The following ZNF98 variants were observed in gnomAD, a reference collection of about 807,000 sequenced individuals.
The protein encoded by ZNF98 is zinc finger protein 739.
ZNF98 carries 8 observed loss-of-function variants against 12.8 expected under a neutral mutation model. The observed-to-expected ratio is 0.63, with a 90% CI of 0.37 to 1.13. The LOEUF (loss-of-function observed/expected upper bound fraction) is 1.13, where lower values mean the gene tolerates loss of function less well. ZNF98 is among the 50% of genes most tolerant of loss of function. The probability of loss-of-function intolerance (pLI) is 0.01; values close to 1 mark genes in which losing one functional copy is unlikely to be tolerated. For missense variants in ZNF98, 379 were observed against 666.1 expected, an observed-to-expected ratio of 0.57 and a Z score of 4.74; for synonymous variants, 112 against 223.5, an observed-to-expected ratio of 0.50 and a Z score of 4.45.
chr19:22,417,765 A>C (rs1969661523), intron 1 of ZNF98, among the ~76,000 whole-genome samples: 1 of 152,166 alleles, frequency 6.6e-6, no homozygotes, highest in Non-Finnish European at 1.5e-5. Context: ...AAAATTTCTC[A>C]GCATGGTGCC....
chr19:22,407,719 TA>T (rs1453052206), intron 1 of ZNF98, among the ~76,000 whole-genome samples: 7 of 146,448 alleles, frequency 4.8e-5, no homozygotes, highest in African/African-American at 1.8e-4. Context: ...CTCAAAAAAA[TA>T]AAAATAAAAG....
rs562237600 is a variant in ZNF98 at position 22,401,915 on chromosome 19, A to G, written c.253+874T>C. On this transcript the variant is annotated intron_variant, in intron 3 of 3. Coordinates refer to ENST00000357774, the MANE Select transcript of ZNF98 (RefSeq NM_001098626.2). ...TTCTCGGTCAGGCACGGTGGGTCAC[A>G]CCTGTAATCCTAGCACTTTGGGAGG... is the stretch of plus-strand genomic sequence containing the variant. Among the ~76,000 whole-genome samples, 511 of 151,240 alleles carry G rather than the reference A, an allele frequency of 3.4e-3. 5 individuals carry two copies. The highest frequency in any genetic ancestry group is 0.012 in the African/African-American group (488 of 41,264).
chr19:22,412,249 A>G (rs1431028852), intron 1 of ZNF98, among the ~76,000 whole-genome samples: 1 of 152,224 alleles, frequency 6.6e-6, no homozygotes, highest in Non-Finnish European at 1.5e-5. Flanking sequence ...TTGATAAAAA[A>G]GTAATTCAAT....
intron 1 of ZNF98, among the ~76,000 whole-genome samples, chr19:22,405,571 TG>T (rs1278957259): frequency 6.6e-6 from 1 of 152,170 alleles, no homozygotes; most frequent in African/African-American, 2.4e-5. Context: ...GCTTTTTCCA[TG>T]GAACTGTGCA....
At chr19:22,396,091 A>AC (rs1477448132) in intron 3 of ZNF98, among the ~76,000 whole-genome samples, 8 of 152,246 alleles carry the variant, frequency 5.3e-5, no homozygotes, top group Admixed American at 3.9e-4. Flanking sequence ...ATTTTCCAGG[A>AC]AAGATATGCA....
chr19:22,407,526 A>G (rs1226367917), intron 1 of ZNF98, among the ~76,000 whole-genome samples: 3 of 150,828 alleles, frequency 2.0e-5, no homozygotes, highest in South Asian at 4.2e-4. Context: ...AGCCTGGCCA[A>G]CATGGTGAAA....
chr19:22,415,223 C>CAGA (rs1185263183), intron 1 of ZNF98, among the ~76,000 whole-genome samples: 2 of 152,062 alleles, frequency 1.3e-5, no homozygotes, highest in Admixed American at 1.3e-4. Context: ...CAAAAGGTAA[C>CAGA]AGATGCTGGC....
In ZNF98 at chr19:22,392,721, GTC is replaced by G; in HGVS notation, c.512_513del (p.Arg171ThrfsTer2). 1 of 1,605,354 alleles carries G rather than the reference GTC, an allele frequency of 6.2e-7. No individual in the cohort carries two copies. The highest frequency in any genetic ancestry group is 1.1e-5 in the South Asian group (1 of 90,218). On this transcript the variant is annotated frameshift_variant, in exon 4 of 4. Coordinates refer to ENST00000357774, the MANE Select transcript of ZNF98 (RefSeq NM_001098626.2). LOFTEE classifies it low-confidence loss of function (END_TRUNC). ...TTCTTTCCAGTATGTCCTATCTTATGTCTGTTTGAATTTGAAAATTTATGAAA... is the reference window on the plus strand; with the variant it reads ...TTCTTTCCAGTATGTCCTATCTTATGTGTTTGAATTTGAAAATTTATGAAA... ...KVFHKFSNSNRHKIGHTGKKS... is the reference protein window; with the variant it reads ...KVFHKFSNSNXHKIGHTGKKS...
chr19:22,402,291 A>G (rs1969468596), intron 3 of ZNF98: 2 of 357,344 alleles, frequency 5.6e-6, no homozygotes, highest in Admixed American at 9.3e-5. Context: ...GCAGAAGAAC[A>G]TCATACTTTA....
chr19:22,402,956 A>T (rs376182848), intron 2 of ZNF98, 72 bp from the exon 3 acceptor site: 32 of 1,441,762 alleles, frequency 2.2e-5, no homozygotes, highest in East Asian at 1.0e-4. Context: ...GTTCAGTAAA[A>T]AGGATGTAAT....
intron 1 of ZNF98, among the ~76,000 whole-genome samples, chr19:22,421,109 A>G (rs1969698994): frequency 6.6e-6 from 1 of 152,334 alleles, no homozygotes. Flanking sequence ...ATAGCAGCTT[A>G]ACTTTTTAAA....
chr19:22,396,014 G>A (rs1969388863), intron 3 of ZNF98, among the ~76,000 whole-genome samples: 1 of 150,830 alleles, frequency 6.6e-6, no homozygotes, highest in Admixed American at 6.6e-5. Context: ...AAAAGATGAT[G>A]AAAGCAGTTT....
chr19:22,421,120 C>A (rs4932763), intron 1 of ZNF98, among the ~76,000 whole-genome samples: 65,302 of 151,944 alleles, frequency 0.43, 14,241 homozygotes, highest in Non-Finnish European at 0.46. Context: ...ACTTTTTAAA[C>A]CTCCCACAGA....
At chr19:22,395,174 A>G (rs866519163) in intron 3 of ZNF98, among the ~76,000 whole-genome samples, 88 of 144,342 alleles carry the variant, frequency 6.1e-4, no homozygotes, top group African/African-American at 1.9e-3. Flanking sequence ...CTCTGTTTCA[A>G]AAAGAAAAAA....
At chr19:22,402,492 C>T (rs1207985027) in intron 3 of ZNF98, 2 of 410,844 alleles carry the variant, frequency 4.9e-6, no homozygotes, top group Non-Finnish European at 4.3e-6. Context: ...TTTTCAAAAA[C>T]AATGAAAAAG....
chr19:22,419,610 G>GGGGAT (rs2145124615), intron 1 of ZNF98, among the ~76,000 whole-genome samples: 1 of 152,236 alleles, frequency 6.6e-6, no homozygotes. Flanking sequence ...GTTCATATAA[G>GGGGAT]GGGATGAAAT....
At chr19:22,407,390 G>A (rs1969531956) in intron 1 of ZNF98, among the ~76,000 whole-genome samples, 2 of 141,306 alleles carry the variant, frequency 1.4e-5, no homozygotes, top group East Asian at 4.5e-4. Flanking sequence ...AACAGCTCCT[G>A]AATTCACTGA....
At chr19:22,413,963 C>T (rs1282995170) in intron 1 of ZNF98, among the ~76,000 whole-genome samples, 1 of 149,370 alleles carries the variant, frequency 6.7e-6, no homozygotes, top group Non-Finnish European at 1.5e-5. Context: ...ATTGGCCAGG[C>T]AAAGTGGCTC....
chr19:22,421,372 T>C (rs1001544140), intron 1 of ZNF98, among the ~76,000 whole-genome samples: 13 of 152,148 alleles, frequency 8.5e-5, no homozygotes, highest in Admixed American at 7.2e-4. Context: ...GGGGTTGCCT[T>C]GAGACCCTGC....
Sources: allele counts gnomAD v4.1 joint callset (sites outside exome capture counted in the v4.1 genomes callset), GRCh38; gene constraint gnomAD v4.1.1; transcripts MANE v1.5; gene names NCBI Gene and HGNC (gene_info 2026-07-23, HGNC 2026-07-21).